Variants in SPP2 observed in about 807,000 individuals in gnomAD.
The protein encoded by SPP2 is secreted phosphoprotein 24.
A neutral mutation model predicts 28.8 loss-of-function variants in SPP2; 34 were observed. The observed-to-expected ratio is 1.18, with a 90% CI of 0.90 to 1.57. The LOEUF (loss-of-function observed/expected upper bound fraction) is 1.57. SPP2 is among the 40% of genes most tolerant of loss of function. The probability of loss-of-function intolerance (pLI) is 0.00; values close to 1 mark genes in which losing one functional copy is unlikely to be tolerated. For synonymous variants in SPP2, 96 were observed against 89.4 expected, an observed-to-expected ratio of 1.07 and a Z score of -0.42; for missense variants, 269 against 263.9, an observed-to-expected ratio of 1.02 and a Z score of -0.13.
chr2:234,054,263 C>T (rs1277883071), intron 2 of SPP2, among the ~76,000 whole-genome samples: 2 of 152,036 alleles, frequency 1.3e-5, no homozygotes, highest in South Asian at 2.1e-4. Flanking sequence ...GAGTGGAGAG[C>T]GGTCAGAGAG....
At chr2:234,051,116 T>C in intron 2 of SPP2, 21 bp downstream of exon 2, 1 of 1,608,088 alleles carries the variant, frequency 6.2e-7, no homozygotes, top group Non-Finnish European at 8.5e-7. Flanking sequence ...AATGAAATCT[T>C]CTCTACTCCT....
intron 7 of SPP2, among the ~76,000 whole-genome samples, chr2:234,070,788 A>G (rs1189420895): frequency 6.6e-6 from 1 of 152,156 alleles, no homozygotes; most frequent in Non-Finnish European, 1.5e-5. Flanking sequence ...ACTGGTGAGC[A>G]TTCGTATGAT....
At chr2:234,058,619 C>CATTTTCGTCACTAAACT (rs1693654856) in intron 2 of SPP2, among the ~76,000 whole-genome samples, 1 of 152,178 alleles carries the variant, frequency 6.6e-6, no homozygotes, top group Non-Finnish European at 1.5e-5. Flanking sequence ...ATTCTGGTTC[C>CATTTTCGTCACTAAACT]ATTTTCGTCA....
At chr2:234,054,792 A>G (rs1693573443) in intron 2 of SPP2, among the ~76,000 whole-genome samples, 1 of 152,068 alleles carries the variant, frequency 6.6e-6, no homozygotes, top group South Asian at 2.1e-4. Context: ...GAGGGGAGAA[A>G]CTGATCATGG....
chr2:234,066,330 G>A (rs570152815), intron 4 of SPP2, among the ~76,000 whole-genome samples: 71 of 152,240 alleles, frequency 4.7e-4, no homozygotes, highest in Non-Finnish European at 9.4e-4. Flanking sequence ...TAAACTTCAC[G>A]TAGTTTGCTC....
intron 4 of SPP2, among the ~76,000 whole-genome samples, chr2:234,066,145 C>A (rs1693814070): frequency 6.6e-6 from 1 of 152,136 alleles, no homozygotes; most frequent in Admixed American, 6.5e-5. Flanking sequence ...ATGAAAACTT[C>A]TTGTGGACAC....
At chr2:234,068,612 T>G (rs958382577) in intron 6 of SPP2, among the ~76,000 whole-genome samples, 2 of 152,140 alleles carry the variant, frequency 1.3e-5, no homozygotes, top group Admixed American at 6.5e-5. Context: ...AGTTGTCACT[T>G]TGGGAGAATA....
chr2:234,053,989 C>T (rs771949574), intron 2 of SPP2, among the ~76,000 whole-genome samples: 10 of 152,184 alleles, frequency 6.6e-5, no homozygotes, highest in Non-Finnish European at 1.0e-4. Flanking sequence ...AAATTCATTT[C>T]CAATAGTGGA....
At chr2:234,060,273 C>G in intron 3 of SPP2, 96 bp from the exon 4 acceptor site, 1 of 829,926 alleles carries the variant, frequency 1.2e-6, no homozygotes, top group Non-Finnish European at 2.0e-6. Flanking sequence ...TTTGTCATTT[C>G]GTCAAACCTG....
Position 234,067,718 on chromosome 2 carries a change from A to C in SPP2, c.550+444A>C, listed in dbSNP as rs539271699. On this transcript the variant is annotated intron_variant, in intron 6 of 7. Coordinates refer to ENST00000168148, the MANE Select transcript of SPP2 (RefSeq NM_006944.3). ...CGTGAACCCGGGAGGCGGAGCTTGC[A>C]GTGAGCCGAGATTGCGCCACTGCAC... 6.8e-4 allele frequency among the ~76,000 whole-genome samples: 92 copies of C among 134,826 alleles called. 1 individual carries two copies. The highest frequency in any genetic ancestry group is 2.5e-3 in the African/African-American group (90 of 35,708). 88.5% of individuals were successfully genotyped at this position (134,826 alleles called of 152,430 possible).
At chr2:234,073,545 G>A (rs544099060) in intron 7 of SPP2, among the ~76,000 whole-genome samples, 7 of 152,216 alleles carry the variant, frequency 4.6e-5, no homozygotes, top group Non-Finnish European at 1.0e-4. Context: ...ATAGTGAAAT[G>A]TAATATTTAA....
At chr2:234,067,621 C>A (rs566164508) in intron 6 of SPP2, among the ~76,000 whole-genome samples, 1 of 151,892 alleles carries the variant, frequency 6.6e-6, no homozygotes, top group African/African-American at 2.4e-5. Flanking sequence ...ACTAAAAATA[C>A]AACAAATTAG....
chr2:234,060,806 G>A (rs1177015387), intron 4 of SPP2, among the ~76,000 whole-genome samples: 1 of 151,192 alleles, frequency 6.6e-6, no homozygotes, highest in Non-Finnish European at 1.5e-5. Flanking sequence ...TGATTTCCCT[G>A]GGATTGGGAA....
At chr2:234,067,130 C>CTTAAGAAGCATATTTGTGGCA in intron 5 of SPP2, 94 bp from the exon 6 acceptor site, 1 of 1,183,510 alleles carries the variant, frequency 8.4e-7, no homozygotes, top group Non-Finnish European at 1.3e-6. Context: ...TGCTTCTTTG[C>CTTAAGAAGCATATTTGTGGCA]TTAAGAAGCA....
chr2:234,060,579 G>C, intron 4 of SPP2, 100 bp downstream of exon 4: 1 of 908,076 alleles, frequency 1.1e-6, no homozygotes, highest in Non-Finnish European at 1.7e-6. Flanking sequence ...ATCATCACCT[G>C]GGCTTGGGGA....
chr2:234,069,210 G>A (rs1693886452), intron 6 of SPP2, among the ~76,000 whole-genome samples: 1 of 152,008 alleles, frequency 6.6e-6, no homozygotes, highest in Admixed American at 6.5e-5. Context: ...GAGAGAGAGA[G>A]AGAGAATGAG....
chr2:234,051,696 C>T (rs1693501142), intron 2 of SPP2, among the ~76,000 whole-genome samples: 1 of 152,184 alleles, frequency 6.6e-6, no homozygotes, highest in Non-Finnish European at 1.5e-5. Context: ...ATTTCACTGC[C>T]TTATTATCAT....
chr2:234,063,268 A>C (rs1353438586), intron 4 of SPP2, among the ~76,000 whole-genome samples: 1 of 152,070 alleles, frequency 6.6e-6, no homozygotes, highest in Non-Finnish European at 1.5e-5. Context: ...AATAAAACTG[A>C]AAAAAACTCC....
intron 7 of SPP2, among the ~76,000 whole-genome samples, chr2:234,071,142 C>T (rs996353558): frequency 2.0e-5 from 3 of 152,168 alleles, no homozygotes; most frequent in Non-Finnish European, 4.4e-5. Flanking sequence ...TTCATTTCAC[C>T]CCCACATTTC....
Sources: gnomAD v4.1 joint callset for allele counts (sites outside exome capture counted in the v4.1 genomes callset) on GRCh38, gnomAD v4.1.1 for gene constraint, MANE v1.5 for transcripts, NCBI Gene and HGNC (gene_info 2026-07-23, HGNC 2026-07-21) for gene names.